The following DHRS4L2 variants were observed in gnomAD, a reference collection of about 807,000 sequenced individuals.
DHRS4L2 encodes dehydrogenase/reductase SDR family member 4-like 2.
Under a neutral mutation model 23.9 loss-of-function variants are expected in DHRS4L2, and 22 were observed. The observed-to-expected ratio is 0.92, with a 90% CI of 0.66 to 1.31. The LOEUF (loss-of-function observed/expected upper bound fraction) is 1.31, where lower values mean the gene tolerates loss of function less well. DHRS4L2 is among the 40% of genes most tolerant of loss of function. The pLI is 0.00. For missense variants in DHRS4L2, 385 were observed against 303.3 expected, an observed-to-expected ratio of 1.27 and a Z score of -2.00; for synonymous variants, 141 against 123.7, an observed-to-expected ratio of 1.14 and a Z score of -0.93.
At chr14:23,978,354 AAGAG>A in intron 1 of DHRS4L2, among the ~76,000 whole-genome samples, 1 of 144,284 alleles carries the variant, frequency 6.9e-6, no homozygotes, top group East Asian at 2.0e-4. Flanking sequence ...TTTATAAAAG[AAGAG>A]AGAGAATAAA....
chr14:23,992,601 T>C (rs546563912), intron 2 of DHRS4L2, among the ~76,000 whole-genome samples: 14 of 151,470 alleles, frequency 9.2e-5, no homozygotes, highest in Non-Finnish European at 1.3e-4. Context: ...TTCTTAAAAA[T>C]GTATAACTAT....
intron 4 of DHRS4L2, 38 bp from the exon 5 acceptor site, chr14:24,000,995 C>G (rs376879565): frequency 1.9e-6 from 3 of 1,611,334 alleles, no homozygotes; most frequent in Non-Finnish European, 2.5e-6. Context: ...GGGCAGTGGT[C>G]CACACTGGGA....
chr14:23,973,346 C>A (rs996332753), intron 1 of DHRS4L2, among the ~76,000 whole-genome samples: 28 of 152,082 alleles, frequency 1.8e-4, no homozygotes, highest in Non-Finnish European at 1.9e-4. Flanking sequence ...CGCACAGCCC[C>A]AGTTCCCGCC....
chr14:23,975,985 A>G (rs1483084821), intron 1 of DHRS4L2, among the ~76,000 whole-genome samples: 1 of 151,446 alleles, frequency 6.6e-6, no homozygotes, highest in Non-Finnish European at 1.5e-5. Context: ...TAAATGTAAG[A>G]CCTAAAACCA....
intron 1 of DHRS4L2, among the ~76,000 whole-genome samples, chr14:23,982,398 T>A (rs182008785): frequency 2.0e-5 from 3 of 151,752 alleles, no homozygotes; most frequent in Admixed American, 2.0e-4. Context: ...GGCAAAGCAA[T>A]TGTTCAGGGT....
chr14:23,983,853 G>A (rs1488580722), upstream of DHRS4L2, among the ~76,000 whole-genome samples: 1 of 151,432 alleles, frequency 6.6e-6, no homozygotes, highest in Non-Finnish European at 1.5e-5. Flanking sequence ...GACACAGGGA[G>A]GGGAACATCA....
intron 1 of DHRS4L2, among the ~76,000 whole-genome samples, chr14:23,972,550 C>T (rs2138502136): frequency 6.6e-6 from 1 of 151,988 alleles, no homozygotes. Context: ...TGGAAGGGGA[C>T]CCAAGCGGGT....
At position 24,006,005 on chromosome 14, in the gene DHRS4L2, C is replaced by T. The variant is rs753984290; in HGVS notation, c.*142C>T. 5 of 1,604,700 alleles carry T rather than the reference C, an allele frequency of 3.1e-6. No individual in the cohort carries two copies. Among genetic ancestry groups the T allele is most frequent in the Admixed American group, 3.4e-5 (2 of 58,802 alleles). On this transcript the variant is annotated 3_prime_UTR_variant, in exon 8 of 8. Coordinates refer to ENST00000335125, the MANE Select transcript of DHRS4L2 (RefSeq NM_198083.4). ...GGAACCCCGTCCCGCCTCTGAGGACCGGGAGACAGCCCACAGGCCAGAGTT... is the reference window on the plus strand; with the variant it reads ...GGAACCCCGTCCCGCCTCTGAGGACTGGGAGACAGCCCACAGGCCAGAGTT...
intron 2 of DHRS4L2, among the ~76,000 whole-genome samples, chr14:23,993,346 A>C (rs1370236597): frequency 6.6e-6 from 1 of 151,748 alleles, no homozygotes; most frequent in African/African-American, 2.4e-5. Flanking sequence ...TAACACGTTG[A>C]CAAACCCAGC....
At chr14:23,999,367 A>AAAAAAAAAAAAAACAAAAC (rs1555330042) in intron 3 of DHRS4L2, among the ~76,000 whole-genome samples, 8 of 116,798 alleles carry the variant, frequency 6.8e-5, no homozygotes, top group Admixed American at 9.6e-5. Context: ...AAAAAAAAAA[A>AAAAAAAAAAAAAACAAAAC]AAAAAAACAA....
intron 1 of DHRS4L2, among the ~76,000 whole-genome samples, chr14:23,970,939 G>A (rs2033844111): frequency 6.6e-6 from 1 of 152,022 alleles, no homozygotes; most frequent in Admixed American, 6.6e-5. Context: ...ATCAGCAAAG[G>A]ACAGCATCAA....
At chr14:23,996,627 A>G (rs1020947225) in intron 3 of DHRS4L2, among the ~76,000 whole-genome samples, 6 of 148,632 alleles carry the variant, frequency 4.0e-5, no homozygotes, top group Non-Finnish European at 8.9e-5. Flanking sequence ...TTTTTTAGAC[A>G]GACTCTTGCT....
At position 23,978,851 on chromosome 14, in the gene DHRS4L2, T is replaced by C. The variant is rs945763328; in HGVS notation, c.-176+8519T>C. The stretch of plus-strand genomic sequence containing the variant: ...CAGCCACTGCAAAACCATACCAAAT[T>C]GTCAAGACTATTGACACTATGAAGA... On this transcript the variant is annotated intron_variant, in intron 1 of 5. Transcript: ENST00000534993. 4.3e-5 allele frequency among the ~76,000 whole-genome samples: 6 copies of C among 139,512 alleles called. 1 individual carries two copies. Among genetic ancestry groups the C allele is most frequent in the Non-Finnish European group, 9.2e-5 (6 of 65,266 alleles). The allele number at this position is 139,512 out of a possible 152,430, so 91.5% of individuals were successfully genotyped here. A position where few individuals can be genotyped will look rare whatever the true frequency, so the allele number is the denominator to read the frequency against.
intron 1 of DHRS4L2, among the ~76,000 whole-genome samples, chr14:23,975,624 G>A (rs896987511): frequency 1.3e-5 from 2 of 151,670 alleles, no homozygotes; most frequent in South Asian, 2.1e-4. Flanking sequence ...TATAGCCAAG[G>A]AAATCATAAG....
chr14:23,983,040 TTAAAC>T lies in DHRS4L2; in HGVS notation c.-175-7137_-175-7133del, dbSNP rs754174207. ...GTCCAAATAGACAAATTGGACCTGA[TTAAAC>T]TAAAGAGCTTCAGCACAGCAGAAGA... is the stretch of plus-strand genomic sequence containing the variant. On this transcript the variant is annotated intron_variant, in intron 1 of 5. Transcript: ENST00000534993. 5.9e-4 allele frequency among the ~76,000 whole-genome samples: 89 copies of T among 151,590 alleles called. 3 individuals carry two copies. The highest frequency in any genetic ancestry group is 1.1e-3 in the Non-Finnish European group (73 of 67,846).
intron 3 of DHRS4L2, among the ~76,000 whole-genome samples, chr14:23,998,939 T>A (rs960492845): frequency 6.7e-6 from 1 of 148,328 alleles, no homozygotes; most frequent in African/African-American, 2.5e-5. Flanking sequence ...TAATTGTTTC[T>A]AGCTTTTGAT....
rs1350263208 is a variant in DHRS4L2 at position 23,993,134 on chromosome 14, A to C, written c.307-1898A>C. Among the ~76,000 whole-genome samples, 8 of 150,984 alleles carry C rather than the reference A, an allele frequency of 5.3e-5. 1 individual carries two copies. Among genetic ancestry groups the C allele is most frequent in the Non-Finnish European group, 1.2e-4 (8 of 67,758 alleles). ...CTAGAGCAATCCATTGTCTCCTCCC[A>C]GCCCAAACACATGTGTACTGAGCAC... On this transcript the variant is annotated intron_variant, in intron 2 of 7. Transcript: ENST00000335125.
At chr14:23,970,723 G>A (rs76982284) in intron 1 of DHRS4L2, among the ~76,000 whole-genome samples, 11,805 of 151,934 alleles carry the variant, frequency 0.078, 669 homozygotes, top group East Asian at 0.23. Flanking sequence ...CAGTAGGGGC[G>A]GAGAGACACC....
Position 24,001,150 on chromosome 14 carries a change from T to C in DHRS4L2, c.531+66T>C. The C allele has an allele frequency of 1.9e-6, 3 of 1,609,144 alleles. No homozygotes were observed. The South Asian group carries it at 3.3e-5, about 18-fold the overall frequency. ...CTCCACATCTTTCCACCCCTCCTAT[T>C]ACCCAAAGAAGTTTGTGTCCCCTTG... On this transcript the variant is annotated intron_variant, in intron 5 of 7. Transcript: ENST00000335125.
Sources: allele counts gnomAD v4.1 joint callset (sites outside exome capture counted in the v4.1 genomes callset), GRCh38; gene constraint gnomAD v4.1.1; transcripts MANE v1.5; gene names NCBI Gene and HGNC (gene_info 2026-07-23, HGNC 2026-07-21).